The following COL25A1 variants were observed in gnomAD, a reference collection of about 807,000 sequenced individuals.
COL25A1 encodes collagen type XXV alpha 1 chain.
Under a neutral mutation model 128.4 loss-of-function variants are expected in COL25A1, and 103 were observed. The observed-to-expected ratio is 0.80, with a 90% confidence interval of 0.68 to 0.94. The LOEUF is 0.94. COL25A1 is among the 40% of genes least tolerant of loss of function. COL25A1 has a pLI of 0.00. For synonymous variants in COL25A1, 279 were observed against 277.2 expected, an observed-to-expected ratio of 1.01 and a Z score of -0.06; for missense variants, 745 against 840.0, an observed-to-expected ratio of 0.89 and a Z score of 1.40.
At chr4:109,290,205 G>T (rs1292990134) in intron 3 of COL25A1, among the ~76,000 whole-genome samples, 1 of 151,994 alleles carries the variant, frequency 6.6e-6, no homozygotes, top group African/African-American at 2.4e-5. Flanking sequence ...AATACAGAAA[G>T]TATACCTCAG....
At chr4:108,870,141 A>C (rs139845323) in intron 19 of COL25A1, among the ~76,000 whole-genome samples, 1 of 152,196 alleles carries the variant, frequency 6.6e-6, no homozygotes, top group Non-Finnish European at 1.5e-5. Context: ...CTGTCGTCCC[A>C]GCTACTTAGG....
intron 20 of COL25A1, among the ~76,000 whole-genome samples, chr4:108,866,967 T>C (rs971175420): frequency 2.6e-5 from 4 of 152,172 alleles, no homozygotes; most frequent in African/African-American, 9.7e-5. Context: ...ACAAAATAGG[T>C]AGAATACATT....
At chr4:109,225,205 T>C (rs1778722123) in intron 3 of COL25A1, among the ~76,000 whole-genome samples, 1 of 152,156 alleles carries the variant, frequency 6.6e-6, no homozygotes, top group South Asian at 2.1e-4. Context: ...AAGAACTCTT[T>C]TCAGTAAAAT....
rs1553931041 is a variant in COL25A1 at position 109,093,472 on chromosome 4, A to AACAAAAAAAC, written c.368-43294_368-43293insGTTTTTTTGT. 2.5e-4 allele frequency among the ~76,000 whole-genome samples: 36 copies of AACAAAAAAAC among 145,540 alleles called. 1 individual carries two copies. In the South Asian group the frequency reaches 7.3e-3, roughly 30 times the overall value. ...CCATCTCTATGAAAAAAAAAAAAAAAAAAACCTTTTTTAAATTAGTTAACT... is the reference window on the plus strand; with the variant it reads ...CCATCTCTATGAAAAAAAAAAAAAAAACAAAAAAACAAAACCTTTTTTAAATTAGTTAACT... On this transcript the variant is annotated intron_variant, in intron 3 of 37. Transcript: ENST00000399132.
At chr4:108,832,460 T>C (rs922734038) in intron 31 of COL25A1, 27 bp from the exon 32 acceptor site, 28 of 1,482,286 alleles carry the variant, frequency 1.9e-5, no homozygotes, top group Non-Finnish European at 4.7e-6. Context: ...ATGAGATATA[T>C]CACAAGGGCT....
At chr4:109,211,180 T>G (rs1777472117) in intron 3 of COL25A1, among the ~76,000 whole-genome samples, 2 of 148,416 alleles carry the variant, frequency 1.3e-5, no homozygotes, top group African/African-American at 2.5e-5. Context: ...AAATAAAAGT[T>G]GAAAAGAAAA....
rs182521411 is a variant in COL25A1 at position 109,075,877 on chromosome 4, T to C, written c.368-25698A>G. ...ATTTCAAATGTTTAAGCATTAACAATAAATACAGTCAACCCTCAGTATCCA... is the reference window on the plus strand; with the variant it reads ...ATTTCAAATGTTTAAGCATTAACAACAAATACAGTCAACCCTCAGTATCCA... On this transcript the variant is annotated intron_variant, in intron 3 of 37. Coordinates refer to ENST00000399132, the MANE Select transcript of COL25A1 (RefSeq NM_198721.4). Among the ~76,000 whole-genome samples, 46 of 152,256 alleles carry C rather than the reference T, an allele frequency of 3.0e-4. No homozygotes were observed. In the East Asian group the frequency reaches 4.4e-3, roughly 15 times the overall value.
intron 3 of COL25A1, among the ~76,000 whole-genome samples, chr4:109,108,496 T>C (rs947674052): frequency 6.6e-6 from 1 of 152,126 alleles, no homozygotes; most frequent in African/African-American, 2.4e-5. Context: ...AACATACGTG[T>C]GCATGTGTCT....
intron 36 of COL25A1, among the ~76,000 whole-genome samples, chr4:108,818,169 G>A (rs79765516): frequency 1.4e-3 from 207 of 152,144 alleles, no homozygotes; most frequent in Non-Finnish European, 1.5e-3. Flanking sequence ...CATCAAGAAG[G>A]CATGCTTCTA....
chr4:109,128,498 T>A (rs1768856047), intron 3 of COL25A1, among the ~76,000 whole-genome samples: 1 of 152,336 alleles, frequency 6.6e-6, no homozygotes, highest in Non-Finnish European at 1.5e-5. Context: ...GTAGCCTCCA[T>A]GTATTGATTT....
chr4:109,185,150 T>C (rs904242038), intron 3 of COL25A1, among the ~76,000 whole-genome samples: 1 of 152,204 alleles, frequency 6.6e-6, no homozygotes, highest in African/African-American at 2.4e-5. Context: ...TAATTATGTA[T>C]TTCATAATCA....
intron 8 of COL25A1, among the ~76,000 whole-genome samples, chr4:108,945,295 A>G (rs1243789971): frequency 6.6e-6 from 1 of 152,180 alleles, no homozygotes; most frequent in East Asian, 1.9e-4. Flanking sequence ...CTGCCTCCAG[A>G]TCCTAGGTAG....
intron 3 of COL25A1, among the ~76,000 whole-genome samples, chr4:109,285,153 T>C (rs1723754995): frequency 6.6e-6 from 1 of 152,202 alleles, no homozygotes; most frequent in African/African-American, 2.4e-5. Flanking sequence ...TAAGGGAATT[T>C]ATTCTAAAAA....
chr4:109,078,061 G>A (rs1763534625), intron 3 of COL25A1, among the ~76,000 whole-genome samples: 2 of 152,174 alleles, frequency 1.3e-5, no homozygotes, highest in South Asian at 2.1e-4. Flanking sequence ...ATCCGGGTCT[G>A]TCCAGATAGC....
intron 3 of COL25A1, among the ~76,000 whole-genome samples, chr4:109,174,229 C>T (rs1773855997): frequency 1.3e-5 from 2 of 152,140 alleles, no homozygotes. Flanking sequence ...CAAGTAGCAA[C>T]CGTGGTGTAA....
At chr4:109,254,517 A>G (rs115921721) in intron 3 of COL25A1, among the ~76,000 whole-genome samples, 6,495 of 121,204 alleles carry the variant, frequency 0.054, 399 homozygotes, top group East Asian at 0.17. Context: ...GTATGTGTGT[A>G]TATACATATA....
intron 3 of COL25A1, among the ~76,000 whole-genome samples, chr4:109,059,208 A>T (rs1761721038): frequency 6.6e-6 from 1 of 152,228 alleles, no homozygotes; most frequent in African/African-American, 2.4e-5. Context: ...GCTTGGTCTC[A>T]CTTATTTTTC....
chr4:108,964,122 A>T (rs1751042978), intron 8 of COL25A1, among the ~76,000 whole-genome samples: 2 of 150,430 alleles, frequency 1.3e-5, no homozygotes, highest in Admixed American at 1.3e-4. Flanking sequence ...TAAATAGTAA[A>T]TAAGAAAATT....
chr4:109,075,165 T>C (rs1270842336), intron 3 of COL25A1, among the ~76,000 whole-genome samples: 1 of 152,182 alleles, frequency 6.6e-6, no homozygotes, highest in Non-Finnish European at 1.5e-5. Context: ...CCAGGAAACA[T>C]CAGCATTTTC....
Sources: allele counts gnomAD v4.1 joint callset (sites outside exome capture counted in the v4.1 genomes callset), GRCh38; gene constraint gnomAD v4.1.1; transcripts MANE v1.5; gene names NCBI Gene and HGNC (gene_info 2026-07-23, HGNC 2026-07-21).